LRP1B: variants seen among roughly 807,000 people sequenced by gnomAD.
LRP1B encodes the protein low-density lipoprotein receptor-related protein 1B.
A neutral mutation model predicts 556.6 loss-of-function variants in LRP1B; 217 were observed. The ratio of observed to expected loss-of-function variants is 0.39; its 90% CI spans 0.35 to 0.44. LRP1B has a LOEUF of 0.44. LRP1B is among the 20% of genes least tolerant of loss of function. LRP1B has a pLI of 1.00. For missense variants in LRP1B, 5,053 were observed against 5,620.8 expected, an observed-to-expected ratio of 0.90 and a Z score of 3.23; for synonymous variants, 2,047 against 1,865.8, an observed-to-expected ratio of 1.10 and a Z score of -2.50.
intron 29 of LRP1B, among the ~76,000 whole-genome samples, chr2:140,847,314 A>G (rs548826982): frequency 1.3e-5 from 2 of 152,278 alleles, no homozygotes; most frequent in Non-Finnish European, 2.9e-5. Context: ...AATTCCCATT[A>G]TTTTCAGAAT....
chr2:140,964,809 C>T (rs1696149992), intron 18 of LRP1B, among the ~76,000 whole-genome samples: 1 of 152,158 alleles, frequency 6.6e-6, no homozygotes, highest in Non-Finnish European at 1.5e-5. Flanking sequence ...TCCTCTGTCT[C>T]TTGCCTCGGT....
intron 86 of LRP1B, among the ~76,000 whole-genome samples, chr2:140,269,922 G>T (rs935507253): frequency 6.6e-5 from 10 of 151,928 alleles, no homozygotes; most frequent in Admixed American, 6.6e-4. Flanking sequence ...CATAAAAGAT[G>T]ATTATCTCTG....
chr2:141,699,844 C>T (rs1244829277), intron 2 of LRP1B, among the ~76,000 whole-genome samples: 1 of 148,352 alleles, frequency 6.7e-6, no homozygotes, highest in Non-Finnish European at 1.5e-5. Flanking sequence ...ACCGTTGACA[C>T]TAGAAATGGT....
At chr2:141,961,925 G>A (rs974768766) in intron 1 of LRP1B, among the ~76,000 whole-genome samples, 3 of 151,642 alleles carry the variant, frequency 2.0e-5, no homozygotes, top group Non-Finnish European at 3.0e-5. Context: ...TTGTGTTTAC[G>A]AATGGAAAAA....
At chr2:140,774,909 C>T (rs1293177961) in intron 33 of LRP1B, among the ~76,000 whole-genome samples, 1 of 152,084 alleles carries the variant, frequency 6.6e-6, no homozygotes, top group Non-Finnish European at 1.5e-5. Context: ...TATACATTCT[C>T]AGGTTATACG....
intron 7 of LRP1B, among the ~76,000 whole-genome samples, chr2:141,130,149 A>C (rs1701313742): frequency 6.6e-6 from 1 of 152,088 alleles, no homozygotes; most frequent in Admixed American, 6.6e-5. Flanking sequence ...TATCTACTTT[A>C]AAAATAAATC....
intron 31 of LRP1B, among the ~76,000 whole-genome samples, chr2:140,831,255 AT>A (rs1691704816): frequency 1.3e-5 from 2 of 152,176 alleles, no homozygotes; most frequent in South Asian, 4.1e-4. Context: ...GAGACATCAC[AT>A]TACTTGACTT....
chr2:141,217,345 T>C (rs1019518903), intron 6 of LRP1B, among the ~76,000 whole-genome samples: 1 of 152,206 alleles, frequency 6.6e-6, no homozygotes, highest in African/African-American at 2.4e-5. Context: ...TGTGTTATAA[T>C]TGGGTGTGAT....
chr2:142,110,819 T>C (rs556866335), intron 1 of LRP1B, among the ~76,000 whole-genome samples: 1 of 152,166 alleles, frequency 6.6e-6, no homozygotes. Flanking sequence ...GAACAACCTA[T>C]TGTAAATTGG....
chr2:141,668,429 T>C (rs1487104833), intron 2 of LRP1B, among the ~76,000 whole-genome samples: 1 of 152,122 alleles, frequency 6.6e-6, no homozygotes, highest in East Asian at 1.9e-4. Context: ...TATATCCATA[T>C]AAACTTCAAA....
chr2:140,473,664 C>T (rs926210545), intron 60 of LRP1B, among the ~76,000 whole-genome samples: 19 of 151,788 alleles, frequency 1.3e-4, no homozygotes, highest in Admixed American at 6.6e-4. Flanking sequence ...ATATTTAATG[C>T]TGCAGTGTTT....
At chr2:142,064,084 C>G (rs181219434) in intron 1 of LRP1B, among the ~76,000 whole-genome samples, 1 of 151,480 alleles carries the variant, frequency 6.6e-6, no homozygotes, top group South Asian at 2.1e-4. Flanking sequence ...CTTTCTATGT[C>G]TAGTAAATCC....
intron 18 of LRP1B, among the ~76,000 whole-genome samples, chr2:140,963,357 A>C (rs1696095313): frequency 6.6e-6 from 1 of 152,094 alleles, no homozygotes; most frequent in African/African-American, 2.4e-5. Context: ...TTAAACCACT[A>C]TGTGCCATCC....
rs148526103 is a variant in LRP1B at position 141,140,373 on chromosome 2, C to T, written c.1013+48048G>A. On this transcript the variant is annotated intron_variant, in intron 7 of 90. Transcript: ENST00000389484. ...ATAAAAGAAATCTATTAATAAGGTT[C>T]TTAAAAAGATTAAATGATATACATT... Among the ~76,000 whole-genome samples the T allele has an allele frequency of 6.0e-3, 916 of 152,056 alleles. 9 individuals are homozygous for T. The highest frequency in any genetic ancestry group is 0.02 in the African/African-American group (843 of 41,506).
intron 1 of LRP1B, among the ~76,000 whole-genome samples, chr2:142,115,953 A>T (rs1356579917): frequency 7.1e-6 from 1 of 141,062 alleles, no homozygotes; most frequent in African/African-American, 2.6e-5. Flanking sequence ...ACAGTAGCTT[A>T]TACCTGTAAT....
chr2:140,373,396 G>A (rs1324593127), intron 68 of LRP1B, among the ~76,000 whole-genome samples: 1 of 152,038 alleles, frequency 6.6e-6, no homozygotes, highest in Non-Finnish European at 1.5e-5. Context: ...AAGTGGCTCA[G>A]ATGCTAATAT....
At chr2:140,862,879 G>T (rs1463282231) in intron 27 of LRP1B, among the ~76,000 whole-genome samples, 1 of 152,162 alleles carries the variant, frequency 6.6e-6, no homozygotes, top group South Asian at 2.1e-4. Context: ...GTAGAGGAAA[G>T]GCAAGTTTGT....
intron 43 of LRP1B, among the ~76,000 whole-genome samples, chr2:140,557,557 C>T (rs751537956): frequency 6.6e-6 from 1 of 152,076 alleles, no homozygotes; most frequent in Non-Finnish European, 1.5e-5. Flanking sequence ...TGGCCTGACC[C>T]CCTGTGACCT....
chr2:141,930,375 T>G (rs992440766), intron 1 of LRP1B, among the ~76,000 whole-genome samples: 15 of 152,034 alleles, frequency 9.9e-5, no homozygotes, highest in Non-Finnish European at 1.5e-4. Flanking sequence ...GGACACTCAT[T>G]GCAGCACAGA....
Sources: allele counts gnomAD v4.1 joint callset (sites outside exome capture counted in the v4.1 genomes callset), GRCh38; gene constraint gnomAD v4.1.1; transcripts MANE v1.5; gene names NCBI Gene and HGNC (gene_info 2026-07-23, HGNC 2026-07-21).